PVT1: variants seen among roughly 807,000 people sequenced by gnomAD.
PVT1 encodes Pvt1 oncogene.
intron 4 of PVT1, among the ~76,000 whole-genome samples, chr8:128,017,291 T>C (rs142363152): frequency 3.7e-4 from 56 of 152,316 alleles, no homozygotes; most frequent in African/African-American, 1.3e-3. Flanking sequence ...TTTCTCAGTG[T>C]GCCAGAGGGC....
intron 4 of PVT1, among the ~76,000 whole-genome samples, chr8:128,013,029 G>A (rs568047416): frequency 6.6e-6 from 1 of 152,264 alleles, no homozygotes; most frequent in East Asian, 1.9e-4. Context: ...TGCTAGCTCT[G>A]TGCCGATTGC....
At chr8:127,820,274 C>T (rs1814714219) in intron 2 of PVT1, among the ~76,000 whole-genome samples, 1 of 152,172 alleles carries the variant, frequency 6.6e-6, no homozygotes, top group Admixed American at 6.5e-5. Context: ...AACATACACC[C>T]CTCCCAGCCC....
intron 4 of PVT1, among the ~76,000 whole-genome samples, chr8:128,044,656 C>G (rs970616902): frequency 1.3e-5 from 2 of 152,232 alleles, no homozygotes; most frequent in Admixed American, 1.3e-4. Flanking sequence ...TAACAACCAT[C>G]TTTGCCCCCA....
At chr8:127,844,467 A>G (rs919205075) in intron 2 of PVT1, among the ~76,000 whole-genome samples, 2 of 152,060 alleles carry the variant, frequency 1.3e-5, no homozygotes, top group Non-Finnish European at 2.9e-5. Flanking sequence ...GTCTCCACCC[A>G]TTCCTCTACA....
chr8:128,017,856 C>T (rs971382613), intron 4 of PVT1, among the ~76,000 whole-genome samples: 17 of 152,144 alleles, frequency 1.1e-4, no homozygotes, highest in African/African-American at 3.4e-4. Flanking sequence ...CTCCTTGTGT[C>T]GGGGGTGATG....
At chr8:127,818,529 A>G (rs908189618) in intron 2 of PVT1, among the ~76,000 whole-genome samples, 1 of 152,170 alleles carries the variant, frequency 6.6e-6, no homozygotes, top group Non-Finnish European at 1.5e-5. Context: ...GGCTTTTTAT[A>G]AATGAGGGCT....
chr8:128,092,605 A>G (rs975477805), intron 5 of PVT1, among the ~76,000 whole-genome samples: 1 of 152,144 alleles, frequency 6.6e-6, no homozygotes, highest in East Asian at 1.9e-4. Flanking sequence ...GGAACTCCTC[A>G]GTGGGCAAGA....
chr8:127,931,307 T>G (rs979356899), intron 3 of PVT1, among the ~76,000 whole-genome samples: 2 of 152,174 alleles, frequency 1.3e-5, no homozygotes, highest in African/African-American at 4.8e-5. Flanking sequence ...GGGGAAGTGA[T>G]TGCCCTCATC....
At chr8:127,863,077 GTTTTATTTATTTA>G (rs1815245501) in intron 2 of PVT1, among the ~76,000 whole-genome samples, 1 of 132,502 alleles carries the variant, frequency 7.5e-6, no homozygotes, top group Admixed American at 7.8e-5. Flanking sequence ...GCAGTTGCTA[GTTTTATTTATTTA>G]TTTATTTATT....
intron 5 of PVT1, among the ~76,000 whole-genome samples, chr8:128,076,154 C>T (rs1041978641): frequency 6.6e-6 from 1 of 152,170 alleles, no homozygotes; most frequent in African/African-American, 2.4e-5. Context: ...GTCTGCTCTG[C>T]CCACAGCCAG....
At chr8:127,821,389 TAAC>T (rs1463866972) in intron 2 of PVT1, among the ~76,000 whole-genome samples, 7 of 152,218 alleles carry the variant, frequency 4.6e-5, no homozygotes, top group East Asian at 1.9e-4. Flanking sequence ...AAAAAATTCA[TAAC>T]AACTTTTGAA....
intron 2 of PVT1, among the ~76,000 whole-genome samples, chr8:127,876,264 G>A (rs1280792037): frequency 3.3e-5 from 5 of 151,928 alleles, no homozygotes; most frequent in African/African-American, 9.7e-5. Context: ...GTGTGTGTGT[G>A]TGTGTGTGTG....
chr8:127,806,620 T>G (rs1305118798), intron 2 of PVT1, among the ~76,000 whole-genome samples: 1 of 152,240 alleles, frequency 6.6e-6, no homozygotes, highest in African/African-American at 2.4e-5. Flanking sequence ...TGTGTTACAC[T>G]GTTGTGTAAT....
intron 3 of PVT1, among the ~76,000 whole-genome samples, chr8:127,924,605 G>A (rs543837362): frequency 1.3e-4 from 20 of 148,886 alleles, no homozygotes; most frequent in African/African-American, 3.2e-4. Flanking sequence ...TCCGCCTCCC[G>A]TGTTCATGCC....
chr8:127,805,278 G>A (rs187141613), intron 2 of PVT1, among the ~76,000 whole-genome samples: 16 of 151,870 alleles, frequency 1.1e-4, no homozygotes, highest in Admixed American at 2.0e-4. Flanking sequence ...TGACTGTTTC[G>A]TTGCTTACTT....
chr8:127,794,842 A>G (rs938103396), intron 1 of PVT1: 1 of 152,046 alleles, frequency 6.6e-6, no homozygotes, highest in Non-Finnish European at 1.5e-5. Flanking sequence ...TCGGAATCCA[A>G]TATGTGTGTG....
chr8:127,948,298 C>T (rs1020617086), intron 3 of PVT1: 5 of 203,796 alleles, frequency 2.5e-5, no homozygotes, highest in East Asian at 1.1e-4. Context: ...AGGTCCAGGG[C>T]GTTTGGGGGA....
chr8:127,969,988 T>A (rs1360123006), intron 3 of PVT1, among the ~76,000 whole-genome samples: 1 of 152,182 alleles, frequency 6.6e-6, no homozygotes, highest in Non-Finnish European at 1.5e-5. Context: ...ATGGATGAAG[T>A]GGAACTTTTC....
At chr8:127,868,784 T>TATATACGTATATATATATGTATATAC (rs1815316174) in intron 2 of PVT1, among the ~76,000 whole-genome samples, 882 of 84,032 alleles carry the variant, frequency 0.01, 40 homozygotes, top group Middle Eastern at 0.024. Context: ...TATATATATA[T>TATATACGTATATATATATGTATATAC]ATATATATAC....
Sources: allele counts gnomAD v4.1 joint callset (sites outside exome capture counted in the v4.1 genomes callset), GRCh38; gene constraint gnomAD v4.1.1; transcripts MANE v1.5; gene names NCBI Gene and HGNC (gene_info 2026-07-23, HGNC 2026-07-21).